GCA: variants seen among roughly 807,000 people sequenced by gnomAD.
GCA encodes grancalcin, also known as grancalcin, EF-hand calcium-binding protein.
A neutral mutation model predicts 32.6 loss-of-function variants in GCA; 30 were observed. The observed-to-expected ratio is 0.92, with a 90% CI of 0.69 to 1.25. The LOEUF is 1.25. GCA is among the 50% of genes most tolerant of loss of function. GCA has a pLI of 0.00. For synonymous variants in GCA, 102 were observed against 84.6 expected, an observed-to-expected ratio of 1.21 and a Z score of -1.13; for missense variants, 291 against 266.8, an observed-to-expected ratio of 1.09 and a Z score of -0.63.
chr2:162,352,196 T>C (rs1017473507), intron 2 of GCA, 142 bp from the exon 3 acceptor site: 2 of 577,390 alleles, frequency 3.5e-6, no homozygotes, highest in African/African-American at 3.8e-5. Flanking sequence ...TGTCAGTAAT[T>C]ATCTCTAGAA....
At chr2:162,368,073 T>C (rs1188090376), downstream of GCA, among the ~76,000 whole-genome samples, 1 of 151,878 alleles carries the variant, frequency 6.6e-6, no homozygotes, top group African/African-American at 2.4e-5. Flanking sequence ...TAAAAGATGA[T>C]TGCTGGGTCC....
Position 162,360,894 on chromosome 2 carries a change from T to C in GCA, c.*651T>C. ...TTCTTAAATATGTTTTATTGTCTTC[T>C]CTAAGCAAAAAGTTCTTAATAAACA... On this transcript the variant is annotated 3_prime_UTR_variant, in exon 8 of 8. Coordinates refer to ENST00000437150, the MANE Select transcript of GCA (RefSeq NM_012198.5). The C allele has an allele frequency of 8.8e-7, 1 of 1,133,838 alleles. No individual in the cohort carries two copies. The highest frequency in any genetic ancestry group is 3.5e-5 in the East Asian group (1 of 28,836). 70.2% of individuals were successfully genotyped at this position (1,133,838 alleles called of 1,614,324 possible).
chr2:162,361,383 T>G lies in GCA; in HGVS notation c.*1140T>G. 1 of 976,488 alleles carries G rather than the reference T, an allele frequency of 1.0e-6. No homozygotes were observed. The highest frequency in any genetic ancestry group is 1.2e-6 in the Non-Finnish European group (1 of 821,982). 60.5% of individuals were successfully genotyped at this position (976,488 alleles called of 1,614,324 possible). On this transcript the variant is annotated 3_prime_UTR_variant, in exon 8 of 8. Coordinates refer to ENST00000437150, the MANE Select transcript of GCA (RefSeq NM_012198.5). ...TTTCTTGGCAAACACCTCATGTCTG[T>G]CTTAGTGAAGATTTAATAAACCACT...
chr2:162,373,758 A>G, downstream of GCA: 1 of 748,346 alleles, frequency 1.3e-6, no homozygotes, highest in Non-Finnish European at 2.0e-6. Context: ...AAACAGAATT[A>G]TGGCCTTGCT....
chr2:162,334,436 A>G (rs1195512938), intron 1 of GCA, among the ~76,000 whole-genome samples: 1 of 152,208 alleles, frequency 6.6e-6, no homozygotes, highest in Non-Finnish European at 1.5e-5. Flanking sequence ...GAAAAAAATC[A>G]TTTAAAATTA....
downstream of GCA, among the ~76,000 whole-genome samples, chr2:162,368,021 A>G (rs1460322540): frequency 1.3e-5 from 2 of 151,888 alleles, no homozygotes; most frequent in African/African-American, 4.8e-5. Flanking sequence ...AGTAATTCTC[A>G]AATTTTTAGT....
chr2:162,340,616 G>A (rs567569685), upstream of GCA, among the ~76,000 whole-genome samples: 15 of 152,058 alleles, frequency 9.9e-5, no homozygotes, highest in African/African-American at 2.7e-4. Flanking sequence ...CGGTGGCTCC[G>A]TATCACAACC....
At chr2:162,356,723 G>T in intron 4 of GCA, 35 bp from the exon 5 acceptor site, 1 of 1,497,474 alleles carries the variant, frequency 6.7e-7, no homozygotes, top group Non-Finnish European at 9.2e-7. Flanking sequence ...ATAAACTCAG[G>T]TATCAGAATT....
chr2:162,322,087 A>G (rs1363544556), intron 1 of GCA, among the ~76,000 whole-genome samples: 1 of 150,432 alleles, frequency 6.6e-6, no homozygotes, highest in Admixed American at 6.6e-5. Flanking sequence ...AAATAGTAGT[A>G]AGCCTAAAAT....
intron 5 of GCA, among the ~76,000 whole-genome samples, chr2:162,358,182 G>A (rs1685382180): frequency 6.6e-6 from 1 of 151,354 alleles, no homozygotes; most frequent in South Asian, 2.1e-4. Flanking sequence ...AATAATACTG[G>A]GCTACCATTC....
At chr2:162,372,103 A>C (rs747212283), downstream of GCA, 3 of 1,597,494 alleles carry the variant, frequency 1.9e-6, no homozygotes, top group East Asian at 4.5e-5. Context: ...ACACTGATGG[A>C]AAAAGAACAA....
upstream of GCA, among the ~76,000 whole-genome samples, chr2:162,343,856 C>G (rs34602448): frequency 0.03 from 4,530 of 152,254 alleles, 408 homozygotes; most frequent in Admixed American, 0.21. Context: ...GACCTTTCCA[C>G]AGAGAGTGGG....
intron 1 of GCA, among the ~76,000 whole-genome samples, chr2:162,346,067 T>C (rs1166811407): frequency 6.6e-6 from 1 of 152,228 alleles, no homozygotes; most frequent in African/African-American, 2.4e-5. Context: ...TTTTTTTTAC[T>C]AATTGTATAC....
exon 5 of GCA, chr2:162,371,417 G>T: frequency 7.8e-7 from 1 of 1,286,874 alleles, no homozygotes; most frequent in Non-Finnish European, 1.0e-6. Context: ...ATGAGTTGAG[G>T]ATCATCTGAA....
chr2:162,372,143 T>C (rs767329936), downstream of GCA: 21 of 1,438,080 alleles, frequency 1.5e-5, no homozygotes, highest in Admixed American at 1.4e-4. Context: ...CATTGATAGA[T>C]AGTCATTGAA....
chr2:162,322,385 C>A (rs192452302), intron 1 of GCA, among the ~76,000 whole-genome samples: 3 of 148,862 alleles, frequency 2.0e-5, no homozygotes. Flanking sequence ...TTTTATTTTA[C>A]TTTATTTATT....
chr2:162,326,646 A>G (rs1683891122), intron 1 of GCA, among the ~76,000 whole-genome samples: 1 of 152,044 alleles, frequency 6.6e-6, no homozygotes, highest in Admixed American at 6.5e-5. Flanking sequence ...CCTCCCAAGT[A>G]GCTGGGACTA....
At chr2:162,347,183 T>G (rs1037696973) in intron 1 of GCA, among the ~76,000 whole-genome samples, 1 of 152,244 alleles carries the variant, frequency 6.6e-6, no homozygotes, top group Non-Finnish European at 1.5e-5. Context: ...TCATTGTATT[T>G]ACACATATAT....
In GCA at chr2:162,360,457, A is replaced by G; in HGVS notation, c.*214A>G. On this transcript the variant is annotated 3_prime_UTR_variant, in exon 8 of 8. Coordinates refer to ENST00000437150, the MANE Select transcript of GCA (RefSeq NM_012198.5). ...TTACTGCTTTTGGAAAAGTTATTTT[A>G]TAAATATGTGCATATTGTCATAAAA... 1 of 1,061,444 alleles carries G rather than the reference A, an allele frequency of 9.4e-7. No individual in the cohort carries two copies. The highest frequency in any genetic ancestry group is 1.2e-6 in the Non-Finnish European group (1 of 801,600). The allele number at this position is 1,061,444 out of a possible 1,614,324, so 65.8% of individuals were successfully genotyped here.
Sources: gnomAD v4.1 joint callset for allele counts (sites outside exome capture counted in the v4.1 genomes callset) on GRCh38, gnomAD v4.1.1 for gene constraint, MANE v1.5 for transcripts, NCBI Gene and HGNC (gene_info 2026-07-23, HGNC 2026-07-21) for gene names.